The following LAMC2 variants were observed in gnomAD, a reference collection of about 807,000 sequenced individuals.
The protein encoded by LAMC2 is laminin subunit gamma 2, also known as laminin subunit gamma-2.
Under a neutral mutation model 140.2 loss-of-function variants are expected in LAMC2, and 97 were observed. The observed-to-expected ratio is 0.69, with a 90% CI of 0.59 to 0.82. The LOEUF (loss-of-function observed/expected upper bound fraction) is 0.82, where lower values mean the gene tolerates loss of function less well. Among genes scored for constraint, LAMC2 ranks in the 40% least tolerant of loss-of-function variants. The probability of loss-of-function intolerance (pLI) is 0.00; values close to 1 mark genes in which losing one functional copy is unlikely to be tolerated. For missense variants in LAMC2, 1,402 were observed against 1,476.1 expected, an observed-to-expected ratio of 0.95 and a Z score of 0.82; for synonymous variants, 513 against 540.2, an observed-to-expected ratio of 0.95 and a Z score of 0.70.
At position 183,211,589 on chromosome 1, in the gene LAMC2, C is replaced by T. The variant is rs867416016; in HGVS notation, c.268+3520C>T. Among the ~76,000 whole-genome samples, 11 of 152,316 alleles carry T rather than the reference C, an allele frequency of 7.2e-5. 1 individual carries two copies. The Middle Eastern group carries it at 0.017, about 235-fold the overall frequency. ...GCAGCGGCTCCATCATGGCTTACTG[C>T]AGCCTCAAACTCCTGGGCTCAAGCA... is the stretch of plus-strand genomic sequence containing the variant. On this transcript the variant is annotated intron_variant, in intron 2 of 22. Coordinates refer to ENST00000264144, the MANE Select transcript of LAMC2 (RefSeq NM_005562.3).
At chr1:183,217,820 T>C (rs1231636047) in intron 3 of LAMC2, among the ~76,000 whole-genome samples, 2 of 152,156 alleles carry the variant, frequency 1.3e-5, no homozygotes, top group African/African-American at 4.8e-5. Context: ...ATCAAAATGT[T>C]CTAAAATTAA....
chr1:183,248,474 TC>T (rs1414627764), downstream of LAMC2: 1 of 152,512 alleles, frequency 6.6e-6, no homozygotes, highest in Non-Finnish European at 1.5e-5. Context: ...ATGCCAACCC[TC>T]AAGACCATGT....
Position 183,232,823 on chromosome 1 carries a change from G to A in LAMC2, c.2186G>A (p.Ser729Asn). 6.2e-7 allele frequency: 1 copy of A among 1,614,106 alleles called. No individual in the cohort carries two copies. ...THRLITQMQL[S>N]LAESEASLGN... ...AGGCTCATCACTCAGATGCAGCTGA[G>A]CCTGGCAGAAAGTGAAGCTTCCTTG... Residue 729 changes from serine (S) to asparagine (N), a missense_variant, in exon 14 of 23, where the codon AGC (serine) becomes AAC (asparagine). Coordinates refer to ENST00000264144, the MANE Select transcript of LAMC2 (RefSeq NM_005562.3).
At chr1:183,246,181 A>AAC (rs1553268054), downstream of LAMC2, among the ~76,000 whole-genome samples, 1 of 152,002 alleles carries the variant, frequency 6.6e-6, no homozygotes, top group African/African-American at 2.4e-5. Context: ...AAAAAAAAAA[A>AAC]AAAAAAGGTC....
intron 1 of LAMC2, among the ~76,000 whole-genome samples, chr1:183,204,732 A>G (rs529269121): frequency 6.6e-6 from 1 of 152,234 alleles, no homozygotes; most frequent in Admixed American, 6.5e-5. Flanking sequence ...AAAGATTATA[A>G]CAAGTTTATA....
rs748052225 is a variant in LAMC2, at chr1:183,235,668, TGAA to T, written c.2396_2398del (p.Glu799del). On this transcript the variant is annotated inframe_deletion, in exon 16 of 23. Transcript: ENST00000264144. ...TCTCACTGGTGCGCAAGGCCCTGCATGAAGGAGTCGGAAGCGGAAGCGGTAGCC... is the reference window on the plus strand; with the variant it reads ...TCTCACTGGTGCGCAAGGCCCTGCATGGAGTCGGAAGCGGAAGCGGTAGCC... 146 of 1,614,208 alleles carry T rather than the reference TGAA, an allele frequency of 9.0e-5. 2 individuals are homozygous for T. Among genetic ancestry groups the T allele is most frequent in the Admixed American group, 3.3e-4 (20 of 60,028 alleles).
intron 19 of LAMC2, among the ~76,000 whole-genome samples, chr1:183,239,065 C>T (rs945567493): frequency 5.9e-5 from 9 of 152,326 alleles, no homozygotes; most frequent in African/African-American, 1.9e-4. Flanking sequence ...AAAACTCTGG[C>T]TTGATGCTTT....
At chr1:183,215,004 A>G (rs1272274329) in intron 2 of LAMC2, among the ~76,000 whole-genome samples, 1 of 152,178 alleles carries the variant, frequency 6.6e-6, no homozygotes, top group Non-Finnish European at 1.5e-5. Context: ...AGCCCTTTTT[A>G]TGCTCTTAAA....
intron 1 of LAMC2, among the ~76,000 whole-genome samples, chr1:183,199,097 C>CTTTTTTTTTTT (rs906113983): frequency 1.5e-5 from 1 of 67,626 alleles, no homozygotes; most frequent in Non-Finnish European, 2.6e-5. Context: ...GTTGGCTTTT[C>CTTTTTTTTTTT]TTTTTTTTTT....
At chr1:183,200,369 G>A (rs1301325194) in intron 1 of LAMC2, among the ~76,000 whole-genome samples, 3 of 149,444 alleles carry the variant, frequency 2.0e-5, no homozygotes, top group African/African-American at 4.9e-5. Flanking sequence ...CAGCCTGGGC[G>A]ACAGAACGAG....
chr1:183,193,733 G>A (rs1387825101), intron 1 of LAMC2, among the ~76,000 whole-genome samples: 1 of 152,208 alleles, frequency 6.6e-6, no homozygotes, highest in African/African-American at 2.4e-5. Context: ...TCTGCAGGGA[G>A]CAGGGGAGAG....
intron 1 of LAMC2, among the ~76,000 whole-genome samples, chr1:183,186,934 T>G (rs80304034): frequency 0.019 from 2,895 of 152,336 alleles, 84 homozygotes; most frequent in African/African-American, 0.065. Flanking sequence ...ATCACGTTAC[T>G]TTTCATAGTA....
At chr1:183,237,573 A>G in intron 18 of LAMC2, 69 bp downstream of exon 18, 1 of 1,373,924 alleles carries the variant, frequency 7.3e-7, no homozygotes, top group South Asian at 1.2e-5. Context: ...TAAATATGGC[A>G]AGAAGAATAA....
At chr1:183,242,779 A>G (rs181630824) in intron 22 of LAMC2, among the ~76,000 whole-genome samples, 30 of 152,180 alleles carry the variant, frequency 2.0e-4, no homozygotes, top group Admixed American at 1.5e-3. Flanking sequence ...TAATCCTAGC[A>G]GTGACCTATG....
Position 183,207,961 on chromosome 1 carries a change from C to T in LAMC2, c.160C>T (p.Leu54Phe), listed in dbSNP as rs1658948657. 2 of 1,613,932 alleles carry T rather than the reference C, an allele frequency of 1.2e-6. No individual in the cohort carries two copies. The highest frequency in any genetic ancestry group is 1.7e-6 in the Non-Finnish European group (2 of 1,179,980). Residue 54 changes from leucine to phenylalanine, a missense_variant, in exon 2 of 23, where the codon CTC becomes TTC. Physicochemically the swap from Leu to Phe is conservative, Grantham distance 22 (BLOSUM62 0). Coordinates refer to ENST00000264144, the MANE Select transcript of LAMC2 (RefSeq NM_005562.3). ...ACAAACTGGTAATGGATTCCGCTGC[C>T]TCAACTGCAATGACAACACTGATGG... ...HRQTGNGFRC[L>F]NCNDNTDGIH...
At chr1:183,238,268 T>C in intron 18 of LAMC2, 39 bp from the exon 19 acceptor site, 3 of 1,455,962 alleles carry the variant, frequency 2.1e-6, no homozygotes, top group Non-Finnish European at 1.9e-6. Context: ...CCAGCAGGAA[T>C]GTACTTCCTC....
chr1:183,240,227 T>A, intron 21 of LAMC2, 29 bp downstream of exon 21: 1 of 1,614,190 alleles, frequency 6.2e-7, no homozygotes, highest in Non-Finnish European at 8.5e-7. Flanking sequence ...CCACGGGAGA[T>A]CCCTTTCAAC....
the LAMC2 span, among the ~76,000 whole-genome samples, chr1:183,258,630 GAAATTA>G: frequency 2.0e-5 from 3 of 152,154 alleles, no homozygotes; most frequent in African/African-American, 7.2e-5. Context: ...CACAAGGTTA[GAAATTA>G]CGGTTTAGGA....
chr1:183,218,526 G>T (rs766023209), intron 4 of LAMC2, 38 bp downstream of exon 4: 1 of 1,452,656 alleles, frequency 6.9e-7, no homozygotes, highest in Non-Finnish European at 9.6e-7. Flanking sequence ...AGCAGAGAGA[G>T]TCCCTTGCCA....
Sources: gnomAD v4.1 joint callset for allele counts (sites outside exome capture counted in the v4.1 genomes callset) on GRCh38, gnomAD v4.1.1 for gene constraint, MANE v1.5 for transcripts, NCBI Gene and HGNC (gene_info 2026-07-23, HGNC 2026-07-21) for gene names.